The following FUT9 variants were observed in gnomAD, a reference collection of about 807,000 sequenced individuals.
FUT9 encodes the protein fucosyltransferase 9.
Under a neutral mutation model 29.7 loss-of-function variants are expected in FUT9, and 15 were observed. The ratio of observed to expected loss-of-function variants is 0.51; its 90% CI spans 0.34 to 0.78. The LOEUF is 0.78. Among genes scored for constraint, FUT9 ranks in the 30% least tolerant of loss-of-function variants. The probability of loss-of-function intolerance (pLI) is 0.01; values close to 1 mark genes in which losing one functional copy is unlikely to be tolerated. For synonymous variants in FUT9, 169 were observed against 153.7 expected (o/e 1.10, Z -0.74); for missense variants, 319 against 425.4 (o/e 0.75, Z 2.20).
chr6:96,121,256 C>A (rs118094226), intron 2 of FUT9, among the ~76,000 whole-genome samples: 2,056 of 152,228 alleles, frequency 0.014, 27 homozygotes, highest in Middle Eastern at 0.024. Context: ...TATATCCTTA[C>A]TTTCAACATG....
intron 2 of FUT9, among the ~76,000 whole-genome samples, chr6:96,173,518 T>C (rs1278209231): frequency 1.3e-5 from 2 of 152,108 alleles, no homozygotes; most frequent in Non-Finnish European, 2.9e-5. Context: ...ATGGCAAGAA[T>C]TGGGCCTTCA....
At chr6:96,019,652 T>C (rs1285686305) in intron 1 of FUT9, among the ~76,000 whole-genome samples, 3 of 152,088 alleles carry the variant, frequency 2.0e-5, no homozygotes, top group Admixed American at 6.5e-5. Context: ...TAAACTCTAA[T>C]GTACAATTAA....
chr6:96,044,341 A>G (rs1049173193), intron 1 of FUT9, among the ~76,000 whole-genome samples: 1 of 152,238 alleles, frequency 6.6e-6, no homozygotes, highest in Admixed American at 6.5e-5. Context: ...TTGTTGGCAC[A>G]AAGAGACAGA....
chr6:96,133,652 C>T (rs1024211077), intron 2 of FUT9, among the ~76,000 whole-genome samples: 6 of 151,810 alleles, frequency 4.0e-5, no homozygotes, highest in Admixed American at 6.6e-5. Flanking sequence ...AACTTACTGC[C>T]ACACATGGAA....
chr6:96,201,285 T>G (rs1364978969), intron 2 of FUT9, among the ~76,000 whole-genome samples: 1 of 151,982 alleles, frequency 6.6e-6, no homozygotes, highest in Non-Finnish European at 1.5e-5. Context: ...ATTTCAAATT[T>G]TTCAACATAA....
At chr6:96,032,010 C>A (rs954751768) in intron 1 of FUT9, among the ~76,000 whole-genome samples, 62 of 151,614 alleles carry the variant, frequency 4.1e-4, no homozygotes, top group African/African-American at 1.5e-3. Context: ...AAACTTGAGA[C>A]CTGTGTACCA....
At chr6:96,192,284 G>C (rs1469813001) in intron 2 of FUT9, among the ~76,000 whole-genome samples, 2 of 152,148 alleles carry the variant, frequency 1.3e-5, no homozygotes, top group Non-Finnish European at 2.9e-5. Context: ...CAGATGACAT[G>C]ATTGTATATT....
intron 1 of FUT9, among the ~76,000 whole-genome samples, chr6:96,019,271 T>C (rs1770030157): frequency 6.6e-6 from 1 of 152,004 alleles, no homozygotes; most frequent in Admixed American, 6.6e-5. Context: ...TAGTGTCTTA[T>C]GAAGGCAAGA....
At chr6:96,099,033 TG>T (rs535607346) in intron 1 of FUT9, among the ~76,000 whole-genome samples, 13 of 152,148 alleles carry the variant, frequency 8.5e-5, no homozygotes, top group Non-Finnish European at 1.5e-4. Flanking sequence ...AATTAATCTG[TG>T]CATCCTTTAT....
At chr6:96,056,563 T>C (rs1307467800) in intron 1 of FUT9, among the ~76,000 whole-genome samples, 1 of 152,116 alleles carries the variant, frequency 6.6e-6, no homozygotes, top group African/African-American at 2.4e-5. Context: ...ACAATCTCAA[T>C]ATAAGCAAAT....
At chr6:96,102,656 T>C (rs1366860053) in intron 1 of FUT9, among the ~76,000 whole-genome samples, 2 of 152,180 alleles carry the variant, frequency 1.3e-5, no homozygotes, top group Non-Finnish European at 2.9e-5. Flanking sequence ...TAAAATCACA[T>C]ATGATTCATT....
At chr6:96,087,755 T>C (rs2127952836) in intron 1 of FUT9, among the ~76,000 whole-genome samples, 1 of 152,368 alleles carries the variant, frequency 6.6e-6, no homozygotes, top group South Asian at 2.1e-4. Flanking sequence ...TTTTTAGTTT[T>C]GCTCTAAACA....
intron 1 of FUT9, among the ~76,000 whole-genome samples, chr6:96,107,763 A>G (rs985350654): frequency 1.3e-5 from 2 of 152,182 alleles, no homozygotes; most frequent in African/African-American, 4.8e-5. Flanking sequence ...AGAACAGACT[A>G]TATCATTCAA....
intron 2 of FUT9, among the ~76,000 whole-genome samples, chr6:96,193,908 A>G (rs1773568477): frequency 6.6e-6 from 1 of 152,208 alleles, no homozygotes; most frequent in Non-Finnish European, 1.5e-5. Flanking sequence ...TTGTAGGGAC[A>G]TGGATGAAGT....
At chr6:96,106,973 A>G (rs538205499) in intron 1 of FUT9, among the ~76,000 whole-genome samples, 51 of 152,368 alleles carry the variant, frequency 3.3e-4, no homozygotes, top group Admixed American at 1.2e-3. Context: ...CTGCCTTCAT[A>G]TTACAAAAGC....
At chr6:96,198,700 T>G (rs1000392719) in intron 2 of FUT9, among the ~76,000 whole-genome samples, 1 of 152,184 alleles carries the variant, frequency 6.6e-6, no homozygotes, top group African/African-American at 2.4e-5. Context: ...CACACTGACT[T>G]CCACAATGGT....
At chr6:96,176,008 T>G (rs1322946601) in intron 2 of FUT9, among the ~76,000 whole-genome samples, 2 of 152,362 alleles carry the variant, frequency 1.3e-5, no homozygotes, top group South Asian at 2.1e-4. Flanking sequence ...GAATTCACTC[T>G]CTCTCTCTCC....
At chr6:96,192,024 A>G (rs1773521021) in intron 2 of FUT9, among the ~76,000 whole-genome samples, 1 of 152,308 alleles carries the variant, frequency 6.6e-6, no homozygotes, top group South Asian at 2.1e-4. Context: ...AAAAACTCTC[A>G]ATAAATTAGG....
chr6:96,164,319 C>T (rs1310452184), intron 2 of FUT9, among the ~76,000 whole-genome samples: 1 of 130,670 alleles, frequency 7.7e-6, no homozygotes, highest in Non-Finnish European at 1.5e-5. Context: ...AGTGCAGTGG[C>T]GCGATCTCAG....
Sources: gnomAD v4.1 joint callset for allele counts (sites outside exome capture counted in the v4.1 genomes callset) on GRCh38, gnomAD v4.1.1 for gene constraint, MANE v1.5 for transcripts, NCBI Gene and HGNC (gene_info 2026-07-23, HGNC 2026-07-21) for gene names.